MELK: variants seen among roughly 807,000 people sequenced by gnomAD.
MELK encodes the protein maternal embryonic leucine zipper kinase, also known as pEg3 kinase.
Under a neutral mutation model 85.0 loss-of-function variants are expected in MELK, and 81 were observed. That is an observed-to-expected ratio of 0.95 (90% CI 0.80 to 1.15). MELK has a LOEUF of 1.15. MELK is among the 50% of genes most tolerant of loss of function. MELK has a pLI of 0.00. For synonymous variants in MELK, 252 were observed against 265.0 expected (o/e 0.95, Z 0.48); for missense variants, 754 against 777.5 (o/e 0.97, Z 0.36).
intron 8 of MELK, among the ~76,000 whole-genome samples, chr9:36,623,592 G>A (rs1827651049): frequency 1.3e-5 from 2 of 152,212 alleles, no homozygotes; most frequent in Admixed American, 1.3e-4. Context: ...AACAGGGCTT[G>A]CCTAGACGAT....
Position 36,657,277 on chromosome 9 carries a change from G to A in MELK, c.1090G>A (p.Asp364Asn). The change falls in exon 13 of 18, where the codon GAT becomes AAT. Residue 364 changes from aspartate (D) to asparagine (N), a missense_variant. Coordinates refer to ENST00000298048, the MANE Select transcript of MELK (RefSeq NM_014791.4). ...NWSLEDVTAS[D>N]KNYVAGLIDY... The stretch of plus-strand genomic sequence containing the variant: ...GAGTCTGGAAGATGTGACCGCAAGT[G>A]ATAAAAATTATGTGGCGGGATTAAT... 30 of 1,613,506 alleles carry A rather than the reference G, an allele frequency of 1.9e-5. No individual in the cohort carries two copies. Among genetic ancestry groups the A allele is most frequent in the Non-Finnish European group, 2.5e-5 (29 of 1,179,874 alleles).
At chr9:36,587,908 C>T (rs566003286) in intron 3 of MELK, among the ~76,000 whole-genome samples, 2 of 151,626 alleles carry the variant, frequency 1.3e-5, no homozygotes, top group South Asian at 4.2e-4. Flanking sequence ...ATTACAGGCA[C>T]CCGCCACCAT....
At chr9:36,608,095 G>A (rs925225677) in intron 8 of MELK, among the ~76,000 whole-genome samples, 7 of 151,654 alleles carry the variant, frequency 4.6e-5, no homozygotes, top group African/African-American at 7.3e-5. Context: ...CCTGGCTAAC[G>A]TGGTGAAACC....
chr9:36,673,858 TTTG>T (rs1414829478), intron 16 of MELK, among the ~76,000 whole-genome samples: 1 of 152,212 alleles, frequency 6.6e-6, no homozygotes, highest in Non-Finnish European at 1.5e-5. Flanking sequence ...TTAGGGTTTT[TTTG>T]TTGTTGTTGT....
At position 36,637,459 on chromosome 9, in the gene MELK, C is replaced by T. The variant is rs189247606; in HGVS notation, c.834+4259C>T. ...TTCTGCATTCAGCCTGTTTTGATAA[C>T]ATCGTTTTGATTGAAACAAATGAAG... is the stretch of plus-strand genomic sequence containing the variant. On this transcript the variant is annotated intron_variant, in intron 10 of 17. Transcript: ENST00000298048. Among the ~76,000 whole-genome samples, 41 of 152,338 alleles carry T rather than the reference C, an allele frequency of 2.7e-4. No homozygotes were observed. The East Asian group carries it at 3.9e-3, about 14-fold the overall frequency.
chr9:36,633,842 A>C (rs1474998202), intron 10 of MELK, among the ~76,000 whole-genome samples: 2 of 152,208 alleles, frequency 1.3e-5, no homozygotes, highest in Non-Finnish European at 2.9e-5. Flanking sequence ...GTTTTGATTG[A>C]AGCCAAGGAA....
intron 5 of MELK, among the ~76,000 whole-genome samples, chr9:36,596,203 G>C (rs1167099990): frequency 6.6e-6 from 1 of 152,200 alleles, no homozygotes; most frequent in African/African-American, 2.4e-5. Flanking sequence ...CACAAATTGT[G>C]TTTGCTTGTA....
intron 15 of MELK, 47 bp from the exon 16 acceptor site, chr9:36,670,951 G>C: frequency 6.4e-7 from 1 of 1,554,374 alleles, no homozygotes; most frequent in Non-Finnish European, 8.7e-7. Context: ...GACCCCACAG[G>C]CCGGAGGCCC....
At chr9:36,627,060 A>G (rs560805674) in intron 8 of MELK, among the ~76,000 whole-genome samples, 4 of 148,084 alleles carry the variant, frequency 2.7e-5, no homozygotes, top group African/African-American at 1.0e-4. Context: ...GCAAACACAC[A>G]CACACACACA....
chr9:36,633,991 A>G (rs950745325), intron 10 of MELK, among the ~76,000 whole-genome samples: 1 of 152,252 alleles, frequency 6.6e-6, no homozygotes, highest in Admixed American at 6.5e-5. Flanking sequence ...ATCTGAAGCC[A>G]TATCAATGAA....
chr9:36,578,890 T>C (rs2134846331), intron 1 of MELK, among the ~76,000 whole-genome samples: 1 of 152,284 alleles, frequency 6.6e-6, no homozygotes, highest in African/African-American at 2.4e-5. Flanking sequence ...TCTCCCAGGC[T>C]GGAGTGCAGT....
At chr9:36,658,929 T>G (rs1831527589) in intron 13 of MELK, among the ~76,000 whole-genome samples, 1 of 149,090 alleles carries the variant, frequency 6.7e-6, no homozygotes, top group African/African-American at 2.5e-5. Context: ...TCACCCAGGC[T>G]GGACTGCAGT....
Position 36,639,787 on chromosome 9 carries a change from A to G in MELK, c.835-3210A>G, listed in dbSNP as rs571055818. 2.0e-5 allele frequency among the ~76,000 whole-genome samples: 3 copies of G among 152,322 alleles called. No individual in the cohort carries two copies. In the South Asian group the frequency reaches 6.2e-4, roughly 32 times the overall value. On this transcript the variant is annotated intron_variant, in intron 10 of 17. Transcript: ENST00000298048. ...CCTTCTTCCATCTCCTGCCTTTCTC[A>G]CACATATGCCTTGTGGTAAAGGTAC...
Position 36,580,362 on chromosome 9 carries a change from C to T in MELK, c.-38-1282C>T, listed in dbSNP as rs150382246. 9.4e-3 allele frequency among the ~76,000 whole-genome samples: 1,435 copies of T among 151,970 alleles called. 21 individuals carry two copies. Among genetic ancestry groups the T allele is most frequent in the Middle Eastern group, 0.065 (19 of 294 alleles). ...GAGACGGAGTTTCACTCTTGTTGCC[C>T]GGGCTGGAGTGCAATGGCACAATCT... On this transcript the variant is annotated intron_variant, in intron 1 of 17. Coordinates refer to ENST00000298048, the MANE Select transcript of MELK (RefSeq NM_014791.4).
At chr9:36,627,053 A>ACACACACACACACAC (rs1554725931) in intron 8 of MELK, among the ~76,000 whole-genome samples, 1 of 140,872 alleles carries the variant, frequency 7.1e-6, no homozygotes, top group African/African-American at 2.6e-5. Flanking sequence ...CACAAGCGCA[A>ACACACACACACACAC]ACACACACAC....
rs200256801 is a variant in MELK at position 36,669,389 on chromosome 9, C to T, written c.1488C>T (p.Val496=). The change falls in exon 15 of 18, where the codon GTC becomes GTT. Residue 496 remains valine, a synonymous_variant. Coordinates refer to ENST00000298048, the MANE Select transcript of MELK (RefSeq NM_014791.4). ...STGTDKLMTG[V]ISPERRCRSV... Reference sequence around the variant, plus strand: ...GAACAGACAAGTTAATGACAGGTGTCATTAGCCCTGAGAGGCGGTAAGTGT... The same window carrying T: ...GAACAGACAAGTTAATGACAGGTGTTATTAGCCCTGAGAGGCGGTAAGTGT... 30 of 1,601,956 alleles carry T rather than the reference C, an allele frequency of 1.9e-5. No homozygotes were observed. Among genetic ancestry groups the T allele is most frequent in the Middle Eastern group, 1.7e-4 (1 of 6,052 alleles).
chr9:36,655,441 G>T (rs1831144394), intron 12 of MELK, among the ~76,000 whole-genome samples: 1 of 129,680 alleles, frequency 7.7e-6, no homozygotes, highest in African/African-American at 2.7e-5. Context: ...AAAAAGAAGA[G>T]TTCAAGTAGG....
At position 36,573,938 on chromosome 9, in the gene MELK, A is replaced by G. The variant is rs535118994; in HGVS notation, c.-39+931A>G. Among the ~76,000 whole-genome samples the G allele has an allele frequency of 2.5e-4, 38 of 152,272 alleles. 1 individual carries two copies. The highest frequency in any genetic ancestry group is 6.8e-3 in the Middle Eastern group (2 of 294). On this transcript the variant is annotated intron_variant, in intron 1 of 17. Transcript: ENST00000298048. ...GGGAAGGCTGCCCAAGAGAGGAATCAGGTCCCTAGCACTTAGGACGGGTAA... is the reference window on the plus strand; with the variant it reads ...GGGAAGGCTGCCCAAGAGAGGAATCGGGTCCCTAGCACTTAGGACGGGTAA...
chr9:36,627,695 T>A (rs1435559771), intron 8 of MELK, among the ~76,000 whole-genome samples: 1 of 151,212 alleles, frequency 6.6e-6, no homozygotes, highest in East Asian at 2.0e-4. Flanking sequence ...ACCTGGCTAA[T>A]TTTGTATTTT....
Sources: allele counts gnomAD v4.1 joint callset (sites outside exome capture counted in the v4.1 genomes callset), GRCh38; gene constraint gnomAD v4.1.1; transcripts MANE v1.5; gene names NCBI Gene and HGNC (gene_info 2026-07-23, HGNC 2026-07-21).